The following ZFHX3 variants were observed in gnomAD, a reference collection of about 807,000 sequenced individuals.
ZFHX3 encodes the protein zinc finger homeobox protein 3.
In ZFHX3, 42 loss-of-function variants were observed where a neutral mutation model predicts 279.1. The ratio of observed to expected loss-of-function variants is 0.15; its 90% confidence interval spans 0.12 to 0.19. The LOEUF is 0.19. ZFHX3 is among the 10% of genes least tolerant of loss of function. The pLI is 1.00. For synonymous variants in ZFHX3, 2,293 were observed against 1,957.8 expected, an observed-to-expected ratio of 1.17 and a Z score of -4.52; for missense variants, 4,981 against 4,754.0, an observed-to-expected ratio of 1.05 and a Z score of -1.40.
chr16:72,960,517 C>A (rs1443383642), intron 1 of ZFHX3, among the ~76,000 whole-genome samples: 1 of 152,124 alleles, frequency 6.6e-6, no homozygotes, highest in Non-Finnish European at 1.5e-5. Context: ...AGCATAGCTT[C>A]GATGGGCCAC....
At chr16:72,798,874 G>A (rs1305988094) in intron 8 of ZFHX3, among the ~76,000 whole-genome samples, 160 bp from the exon 9 acceptor site, 1 of 152,214 alleles carries the variant, frequency 6.6e-6, no homozygotes, top group Admixed American at 6.5e-5. Context: ...AGCGCCTCCT[G>A]CTTTCTTTTG....
chr16:73,135,865 T>TTA (rs1454557368), intron 6 of ZFHX3, among the ~76,000 whole-genome samples: 1 of 151,648 alleles, frequency 6.6e-6, no homozygotes, highest in Non-Finnish European at 1.5e-5. Flanking sequence ...TATATTCTTT[T>TTA]TTTTTTTTTT....
At position 73,299,624 on chromosome 16, in the gene ZFHX3, G is replaced by T. The variant is rs79178767; in HGVS notation, c.-1194+18616C>A. Among the ~76,000 whole-genome samples the T allele has an allele frequency of 8.3e-3, 1,263 of 152,326 alleles. 67 individuals are homozygous for T. In the East Asian group the frequency reaches 0.13, roughly 16 times the overall value. On this transcript the variant is annotated intron_variant, in intron 4 of 17. Coordinates refer to the ZFHX3 transcript ENST00000641206. The stretch of plus-strand genomic sequence containing the variant: ...AGAGGCAAGAGCCCATGCTGCAGAC[G>T]AAGAGGAAAACCAAGAACGTGCCCC...
intron 1 of ZFHX3, among the ~76,000 whole-genome samples, chr16:73,865,582 C>T (rs567070810): frequency 1.3e-5 from 2 of 152,266 alleles, no homozygotes; most frequent in Admixed American, 1.3e-4. Context: ...TTTCTTCCTC[C>T]CACTCACTCC....
chr16:73,073,911 C>G (rs1965854104), intron 8 of ZFHX3, among the ~76,000 whole-genome samples: 1 of 152,190 alleles, frequency 6.6e-6, no homozygotes, highest in Non-Finnish European at 1.5e-5. Context: ...CAATGTCATT[C>G]TCATCATCTC....
intron 4 of ZFHX3, among the ~76,000 whole-genome samples, chr16:73,316,976 G>T (rs2015463618): frequency 6.6e-6 from 1 of 152,190 alleles, no homozygotes; most frequent in South Asian, 2.1e-4. Context: ...TACTCAATCT[G>T]TGAGAAACTT....
intron 2 of ZFHX3, among the ~76,000 whole-genome samples, chr16:73,676,576 G>T (rs8056272): frequency 0.47 from 71,965 of 151,652 alleles, 19,045 homozygotes; most frequent in East Asian, 0.79. Context: ...AAGACACCCA[G>T]AGAATCAAAA....
At chr16:72,865,555 C>T (rs149646637) in intron 4 of ZFHX3, among the ~76,000 whole-genome samples, 4 of 152,344 alleles carry the variant, frequency 2.6e-5, no homozygotes, top group South Asian at 4.1e-4. Flanking sequence ...CAAGGGCACA[C>T]TGACAAGGAG....
intron 3 of ZFHX3, among the ~76,000 whole-genome samples, chr16:73,370,266 C>A (rs1264947006): frequency 1.3e-5 from 2 of 152,262 alleles, no homozygotes; most frequent in Admixed American, 6.5e-5. Context: ...TGGGTGTCAG[C>A]TTCGGGAGTC....
At chr16:72,950,288 C>T (rs1044175554) in intron 3 of ZFHX3, among the ~76,000 whole-genome samples, 181 bp downstream of exon 3, 3 of 152,130 alleles carry the variant, frequency 2.0e-5, no homozygotes, top group Non-Finnish European at 4.4e-5. Flanking sequence ...GAACCTGTCA[C>T]GTTTCCACCT....
At chr16:73,799,417 T>G (rs1299331554) in intron 1 of ZFHX3, among the ~76,000 whole-genome samples, 1 of 152,144 alleles carries the variant, frequency 6.6e-6, no homozygotes, top group Non-Finnish European at 1.5e-5. Context: ...CTACAGAGCA[T>G]CCAGACAGCA....
chr16:73,406,196 A>C (rs1462502799), intron 3 of ZFHX3, among the ~76,000 whole-genome samples: 1 of 152,238 alleles, frequency 6.6e-6, no homozygotes, highest in East Asian at 1.9e-4. Flanking sequence ...CCATGTTGGC[A>C]CCAGGAGCTG....
At chr16:73,473,371 A>AAAAAAAAAAAAAC (rs2018709703) in intron 2 of ZFHX3, among the ~76,000 whole-genome samples, 4 of 150,608 alleles carry the variant, frequency 2.7e-5, no homozygotes, top group African/African-American at 9.9e-5. Flanking sequence ...AAAAAAAAAA[A>AAAAAAAAAAAAAC]ACAAAATAAT....
intron 1 of ZFHX3, among the ~76,000 whole-genome samples, chr16:73,865,557 T>C (rs1961992802): frequency 6.6e-6 from 1 of 152,128 alleles, no homozygotes; most frequent in Non-Finnish European, 1.5e-5. Flanking sequence ...AATTACACAA[T>C]TGCACCTTGT....
At chr16:73,525,988 C>A (rs1373059424) in intron 2 of ZFHX3, among the ~76,000 whole-genome samples, 2 of 152,106 alleles carry the variant, frequency 1.3e-5, no homozygotes, top group Non-Finnish European at 2.9e-5. Context: ...ACAATCCCTG[C>A]CTCTCAAACA....
intron 4 of ZFHX3, among the ~76,000 whole-genome samples, chr16:73,258,509 C>G (rs886839408): frequency 1.1e-4 from 16 of 152,008 alleles, no homozygotes; most frequent in Admixed American, 9.8e-4. Context: ...ACCACCACAC[C>G]TGGCTAATTT....
chr16:73,517,798 T>A (rs974275231), intron 2 of ZFHX3, among the ~76,000 whole-genome samples: 10 of 152,172 alleles, frequency 6.6e-5, no homozygotes, highest in Non-Finnish European at 1.3e-4. Flanking sequence ...GCGATGTACA[T>A]CCTCAGTTGC....
chr16:72,824,084 G>A (rs963200679), intron 5 of ZFHX3, among the ~76,000 whole-genome samples: 1 of 152,162 alleles, frequency 6.6e-6, no homozygotes, highest in African/African-American at 2.4e-5. Flanking sequence ...GGGGAGGGCT[G>A]GTAATAGATT....
intron 1 of ZFHX3, among the ~76,000 whole-genome samples, chr16:73,801,208 C>T (rs1960136706): frequency 6.6e-6 from 1 of 152,060 alleles, no homozygotes; most frequent in Admixed American, 6.5e-5. Flanking sequence ...TTTTTTATCC[C>T]CACTGGTAAA....
Sources: gnomAD v4.1 joint callset for allele counts (sites outside exome capture counted in the v4.1 genomes callset) on GRCh38, gnomAD v4.1.1 for gene constraint, MANE v1.5 for transcripts, NCBI Gene and HGNC (gene_info 2026-07-23, HGNC 2026-07-21) for gene names.